VTI1A: variants seen among roughly 807,000 people sequenced by gnomAD.
The protein encoded by VTI1A is vesicle transport through interaction with t-SNAREs homolog 1A.
Under a neutral mutation model 34.9 loss-of-function variants are expected in VTI1A, and 22 were observed. That is an observed-to-expected ratio of 0.63 (90% CI 0.45 to 0.90). The LOEUF (loss-of-function observed/expected upper bound fraction) is 0.90, where lower values mean the gene tolerates loss of function less well. Among genes scored for constraint, VTI1A ranks in the 40% least tolerant of loss-of-function variants. VTI1A has a pLI of 0.00. For missense variants in VTI1A, 268 were observed against 275.6 expected, an observed-to-expected ratio of 0.97 and a Z score of 0.20; for synonymous variants, 87 against 97.3, an observed-to-expected ratio of 0.89 and a Z score of 0.62.
intron 7 of VTI1A, among the ~76,000 whole-genome samples, chr10:112,744,380 G>A (rs2133981269): frequency 6.6e-6 from 1 of 151,844 alleles, no homozygotes; most frequent in South Asian, 2.1e-4. Context: ...ATTGGTTATG[G>A]TGTTCTACCC....
At chr10:112,558,102 C>T (rs1395259594) in intron 5 of VTI1A, among the ~76,000 whole-genome samples, 1 of 152,174 alleles carries the variant, frequency 6.6e-6, no homozygotes, top group Non-Finnish European at 1.5e-5. Flanking sequence ...TTGCATTCTT[C>T]ATTCCCCCAA....
chr10:112,718,467 C>T (rs183913064), intron 7 of VTI1A, among the ~76,000 whole-genome samples: 1 of 152,214 alleles, frequency 6.6e-6, no homozygotes, highest in Non-Finnish European at 1.5e-5. Context: ...TTAGTAAGCA[C>T]TACTTCAAGT....
intron 7 of VTI1A, among the ~76,000 whole-genome samples, chr10:112,807,516 C>T (rs923994819): frequency 1.3e-5 from 2 of 152,120 alleles, no homozygotes; most frequent in Non-Finnish European, 1.5e-5. Context: ...CACCAGTCAT[C>T]GGATTTAGGG....
chr10:112,639,708 G>A (rs1241203048), intron 5 of VTI1A, among the ~76,000 whole-genome samples: 1 of 152,144 alleles, frequency 6.6e-6, no homozygotes, highest in African/African-American at 2.4e-5. Flanking sequence ...CATTGAAAAG[G>A]TATATACAGA....
chr10:112,759,546 A>C (rs1006900517), intron 7 of VTI1A, among the ~76,000 whole-genome samples: 1 of 152,220 alleles, frequency 6.6e-6, no homozygotes, highest in Admixed American at 6.5e-5. Context: ...TGGAAACACA[A>C]CGGACACAGT....
intron 5 of VTI1A, among the ~76,000 whole-genome samples, chr10:112,655,638 G>A (rs1847205035): frequency 6.6e-6 from 1 of 152,112 alleles, no homozygotes; most frequent in Non-Finnish European, 1.5e-5. Flanking sequence ...CTTGAAATCA[G>A]CCTGACTACA....
the VTI1A span, chr10:112,826,832 A>C: frequency 6.6e-6 from 1 of 152,238 alleles, no homozygotes; most frequent in East Asian, 1.9e-4. Flanking sequence ...GCAACTGCCC[A>C]AAAATGGGTC....
At chr10:112,626,947 AAATT>A (rs1224834099) in intron 5 of VTI1A, among the ~76,000 whole-genome samples, 1 of 152,230 alleles carries the variant, frequency 6.6e-6, no homozygotes, top group Non-Finnish European at 1.5e-5. Context: ...AACCACTTAA[AAATT>A]AATTGCAAAC....
intron 3 of VTI1A, among the ~76,000 whole-genome samples, chr10:112,515,861 C>T (rs1043734328): frequency 2.0e-5 from 3 of 151,982 alleles, no homozygotes; most frequent in African/African-American, 7.2e-5. Context: ...GTTCCAAGAA[C>T]ATTTTTCTTC....
intron 2 of VTI1A, among the ~76,000 whole-genome samples, 189 bp from the exon 3 acceptor site, chr10:112,464,357 CT>C (rs1847828505): frequency 6.6e-6 from 1 of 152,186 alleles, no homozygotes; most frequent in Non-Finnish European, 1.5e-5. Flanking sequence ...TTGGCAAGTA[CT>C]CAGAATTGTT....
intron 3 of VTI1A, among the ~76,000 whole-genome samples, chr10:112,504,429 C>G (rs1849354159): frequency 6.6e-6 from 1 of 152,156 alleles, no homozygotes; most frequent in South Asian, 2.1e-4. Flanking sequence ...GCTATACACA[C>G]TATTTTACAT....
chr10:112,642,977 C>CTTTTT (rs58619611), intron 5 of VTI1A, among the ~76,000 whole-genome samples: 44 of 121,012 alleles, frequency 3.6e-4, no homozygotes, highest in South Asian at 1.1e-3. Context: ...TTTTTCTTTT[C>CTTTTT]TTTTTTTTTT....
At chr10:112,740,090 A>G (rs1850639902) in intron 7 of VTI1A, among the ~76,000 whole-genome samples, 1 of 152,218 alleles carries the variant, frequency 6.6e-6, no homozygotes, top group South Asian at 2.1e-4. Context: ...ACGTTTAGAA[A>G]TTCAGAACAT....
chr10:112,513,214 C>A (rs1196084418), intron 3 of VTI1A, among the ~76,000 whole-genome samples: 1 of 151,940 alleles, frequency 6.6e-6, no homozygotes, highest in Non-Finnish European at 1.5e-5. Context: ...CAAATTCTTT[C>A]ATCAGTATTT....
At chr10:112,620,860 G>T (rs1335794049) in intron 5 of VTI1A, among the ~76,000 whole-genome samples, 3 of 152,014 alleles carry the variant, frequency 2.0e-5, no homozygotes, top group Non-Finnish European at 4.4e-5. Flanking sequence ...AGAATTCAGA[G>T]ATACTTAGCA....
intron 7 of VTI1A, among the ~76,000 whole-genome samples, chr10:112,800,949 C>T (rs535519478): frequency 3.3e-5 from 5 of 152,272 alleles, no homozygotes; most frequent in African/African-American, 1.2e-4. Flanking sequence ...ATCCTAGATT[C>T]GAATCCAAGC....
chr10:112,793,218 T>G (rs1243947748), intron 7 of VTI1A, among the ~76,000 whole-genome samples: 2 of 152,224 alleles, frequency 1.3e-5, no homozygotes, highest in Admixed American at 6.5e-5. Flanking sequence ...GAGGCAGATA[T>G]CATAAGCAAA....
the VTI1A span, among the ~76,000 whole-genome samples, chr10:112,854,006 C>T: frequency 1.3e-5 from 2 of 152,156 alleles, no homozygotes; most frequent in South Asian, 4.2e-4. Flanking sequence ...ACATCCTCAG[C>T]TCCAGGCCTC....
At chr10:112,685,859 A>G (rs1028008857) in intron 7 of VTI1A, among the ~76,000 whole-genome samples, 11 of 151,424 alleles carry the variant, frequency 7.3e-5, no homozygotes, top group African/African-American at 2.4e-4. Flanking sequence ...TCCTTCTCCC[A>G]CTCCTTGACT....
Sources: allele counts gnomAD v4.1 joint callset (sites outside exome capture counted in the v4.1 genomes callset), GRCh38; gene constraint gnomAD v4.1.1; transcripts MANE v1.5; gene names NCBI Gene and HGNC (gene_info 2026-07-23, HGNC 2026-07-21).